Variants in TOR1AIP1 observed in about 807,000 individuals in gnomAD.
The protein encoded by TOR1AIP1 is torsin 1A interacting protein 1.
A neutral mutation model predicts 63.3 loss-of-function variants in TOR1AIP1; 54 were observed. The observed-to-expected ratio is 0.85, with a 90% confidence interval of 0.69 to 1.07. The LOEUF (loss-of-function observed/expected upper bound fraction) is 1.07, where lower values mean the gene tolerates loss of function less well. Among genes scored for constraint, TOR1AIP1 ranks in the 50% least tolerant of loss-of-function variants. TOR1AIP1 has a pLI of 0.00. For synonymous variants in TOR1AIP1, 294 were observed against 273.5 expected (o/e 1.07, Z -0.74); for missense variants, 736 against 715.0 (o/e 1.03, Z -0.33).
At chr1:179,916,846 G>T (rs1296595953) in intron 9 of TOR1AIP1, among the ~76,000 whole-genome samples, 1 of 151,922 alleles carries the variant, frequency 6.6e-6, no homozygotes, top group Non-Finnish European at 1.5e-5. Context: ...TGGACTACAG[G>T]TGTGTGCCAC....
At chr1:179,916,820 C>T (rs962546569) in intron 9 of TOR1AIP1, among the ~76,000 whole-genome samples, 9 of 150,912 alleles carry the variant, frequency 6.0e-5, no homozygotes, top group African/African-American at 9.8e-5. Flanking sequence ...TCTCCTGCCT[C>T]AGCCTCCCAA....
chr1:179,916,065 A>C (rs540824719), intron 9 of TOR1AIP1, among the ~76,000 whole-genome samples: 1 of 152,310 alleles, frequency 6.6e-6, no homozygotes, highest in African/African-American at 2.4e-5. Flanking sequence ...ATATGTACTC[A>C]AGGATTCAGA....
At chr1:179,917,142 G>T (rs565542615) in intron 9 of TOR1AIP1, among the ~76,000 whole-genome samples, 1 of 151,814 alleles carries the variant, frequency 6.6e-6, no homozygotes, top group African/African-American at 2.4e-5. Flanking sequence ...TAATAACTTC[G>T]CTTTATAAAC....
intron 3 of TOR1AIP1, among the ~76,000 whole-genome samples, chr1:179,894,711 C>G (rs78178309): frequency 6.6e-6 from 1 of 151,852 alleles, no homozygotes; most frequent in Non-Finnish European, 1.5e-5. Flanking sequence ...AGGAAGGAAG[C>G]AATGACTCCT....
At chr1:179,892,750 A>G (rs1425967537) in intron 3 of TOR1AIP1, among the ~76,000 whole-genome samples, 3 of 152,016 alleles carry the variant, frequency 2.0e-5, no homozygotes, top group Non-Finnish European at 4.4e-5. Context: ...AAAAAAAAAA[A>G]AAAACTTTTT....
rs115742637 is a variant in TOR1AIP1, at chr1:179,913,999, T to C, written c.909T>C (p.Asn303=). The change falls in exon 9 of 10, where the codon AAT becomes AAC. Residue 303 remains asparagine (N), a splice_region_variant and synonymous_variant. Coordinates refer to ENST00000606911, the MANE Select transcript of TOR1AIP1 (RefSeq NM_015602.4). Reference sequence around the variant, plus strand: ...TTATTTTATTACTCTCACCATTAGATGACAGCATTCTGAAATCAGAGCTTG... The same window carrying C: ...TTATTTTATTACTCTCACCATTAGACGACAGCATTCTGAAATCAGAGCTTG... ...QTARIRTRMQ[N]DSILKSELGN... is the part of the protein sequence containing the mutation. 2,725 of 1,613,696 alleles carry C rather than the reference T, an allele frequency of 1.7e-3. 52 individuals carry two copies. In the African/African-American group the frequency reaches 0.033, roughly 20 times the overall value.
chr1:179,910,177 G>A (rs1004089553), intron 8 of TOR1AIP1, among the ~76,000 whole-genome samples: 39 of 152,126 alleles, frequency 2.6e-4, no homozygotes, highest in Admixed American at 2.5e-3. Context: ...ATGGAAATGC[G>A]TCCACGTTAA....
chr1:179,889,426 A>C (rs1206398730), intron 3 of TOR1AIP1, 57 bp downstream of exon 3: 2 of 1,439,206 alleles, frequency 1.4e-6, no homozygotes, highest in East Asian at 4.6e-5. Context: ...TTTATTTTTA[A>C]ATATGGTTGT....
Position 179,918,081 on chromosome 1 carries a change from G to GT in TOR1AIP1, c.1595dup (p.Arg533LysfsTer5). The stretch of plus-strand genomic sequence containing the variant: ...AGGCCTAAAGGAAGTTGAAGAAAAA[G>GT]TAAGAGATTTTCTTAAAGTCAAGTT... On this transcript the variant is annotated frameshift_variant, in exon 10 of 10. Coordinates refer to ENST00000606911, the MANE Select transcript of TOR1AIP1 (RefSeq NM_015602.4). LOFTEE classifies it high-confidence loss of function. 6.2e-7 allele frequency: 1 copy of GT among 1,614,208 alleles called. No individual in the cohort carries two copies. The highest frequency in any genetic ancestry group is 8.5e-7 in the Non-Finnish European group (1 of 1,180,038).
intron 2 of TOR1AIP1, 127 bp downstream of exon 2, chr1:179,884,896 C>A: frequency 1.7e-6 from 1 of 605,462 alleles, no homozygotes; most frequent in Non-Finnish European, 2.8e-6. Context: ...AGAGTACCAG[C>A]CACCCATATA....
At chr1:179,916,427 G>GAAAC (rs1451191069) in intron 9 of TOR1AIP1, among the ~76,000 whole-genome samples, 2 of 152,072 alleles carry the variant, frequency 1.3e-5, no homozygotes, top group Admixed American at 6.6e-5. Context: ...TTAATAGCCT[G>GAAAC]AAACAGTCAA....
Position 179,918,341 on chromosome 1 carries a change from T to TTAA in TOR1AIP1, c.*103_*104insAAT. 8.5e-7 allele frequency: 1 copy of TTAA among 1,175,536 alleles called. No homozygotes were observed. Among genetic ancestry groups the TTAA allele is most frequent in the Non-Finnish European group, 1.2e-6 (1 of 857,936 alleles). 72.8% of individuals were successfully genotyped at this position (1,175,536 alleles called of 1,614,324 possible). ...GCTCTTTTTGAAAGAACTAGTTTCT[T>TTAA]TTTAAAGAAGTTAAGTGCTTACATA... On this transcript the variant is annotated 3_prime_UTR_variant, in exon 10 of 10. Coordinates refer to ENST00000606911, the MANE Select transcript of TOR1AIP1 (RefSeq NM_015602.4).
At chr1:179,912,231 G>T (rs1341927993) in intron 8 of TOR1AIP1, among the ~76,000 whole-genome samples, 1 of 151,716 alleles carries the variant, frequency 6.6e-6, no homozygotes, top group Non-Finnish European at 1.5e-5. Flanking sequence ...TGTTGGCCAG[G>T]CTGGTCTCAA....
Position 179,901,342 on chromosome 1 carries a change from T to C in TOR1AIP1, c.693T>C (p.Ser231=). ...EEDDQDSSHS[S]VTTVKARSRD... ...ATGATCAAGACAGCTCTCACAGCAG[T>C]GTCACTACTGTTAAGGCCAGATCCA... Residue 231 remains serine, a synonymous_variant, in exon 5 of 10, where the codon AGT becomes AGC. Transcript: ENST00000606911. The C allele has an allele frequency of 1.2e-6, 2 of 1,611,348 alleles. No homozygotes were observed. The highest frequency in any genetic ancestry group is 1.7e-6 in the Non-Finnish European group (2 of 1,178,414).
chr1:179,906,454 T>G (rs148889288), intron 6 of TOR1AIP1, among the ~76,000 whole-genome samples: 6 of 152,326 alleles, frequency 3.9e-5, no homozygotes, highest in African/African-American at 1.4e-4. Context: ...GTAACTCATT[T>G]TCTCAGGGCA....
At chr1:179,884,416 ACT>A (rs1393875255) in intron 1 of TOR1AIP1, among the ~76,000 whole-genome samples, 3 of 152,048 alleles carry the variant, frequency 2.0e-5, no homozygotes, top group Admixed American at 6.6e-5. Context: ...ATCATTTGTG[ACT>A]CTCTACCCCA....
In TOR1AIP1 at chr1:179,882,735, G is replaced by C. The variant is rs757287238; in HGVS notation, c.233G>C (p.Arg78Thr). Residue 78 changes from arginine to threonine, a missense_variant, in exon 1 of 10, where the codon AGG becomes ACG. Coordinates refer to ENST00000606911, the MANE Select transcript of TOR1AIP1 (RefSeq NM_015602.4). ...TTCGAGCCCCTGGTGGCCAAAGAAAGGTCCCCGGTGGGAAAACGAACCCGG... is the reference window on the plus strand; with the variant it reads ...TTCGAGCCCCTGGTGGCCAAAGAAACGTCCCCGGTGGGAAAACGAACCCGG... Reference protein sequence around the residue: ...GDFEPLVAKERSPVGKRTRLE... With the variant: ...GDFEPLVAKETSPVGKRTRLE... The C allele has an allele frequency of 3.1e-6, 5 of 1,614,060 alleles. No homozygotes were observed. In the South Asian group the frequency reaches 5.5e-5, roughly 18 times the overall value.
intron 2 of TOR1AIP1, among the ~76,000 whole-genome samples, chr1:179,887,425 A>G (rs771745474): frequency 6.6e-6 from 1 of 152,056 alleles, no homozygotes; most frequent in Non-Finnish European, 1.5e-5. Context: ...AAACCAAAGG[A>G]CCACCTTATA....
chr1:179,902,880 G>A (rs1355034944), intron 5 of TOR1AIP1, among the ~76,000 whole-genome samples: 4 of 152,008 alleles, frequency 2.6e-5, no homozygotes, highest in Admixed American at 2.6e-4. Flanking sequence ...GGTTAATTAA[G>A]CCATTTATAT....
Sources: gnomAD v4.1 joint callset for allele counts (sites outside exome capture counted in the v4.1 genomes callset) on GRCh38, gnomAD v4.1.1 for gene constraint, MANE v1.5 for transcripts, NCBI Gene and HGNC (gene_info 2026-07-23, HGNC 2026-07-21) for gene names.